The following ANK3 variants were observed in gnomAD, a reference collection of about 807,000 sequenced individuals.
ANK3 encodes the protein ankyrin-3.
Under a neutral mutation model 370.9 loss-of-function variants are expected in ANK3, and 57 were observed. The observed-to-expected ratio is 0.15, with a 90% CI of 0.12 to 0.19. ANK3 has a LOEUF of 0.19. Ranked by LOEUF, ANK3 falls within the 10% of genes least tolerant of loss-of-function variation. The pLI is 1.00. For missense variants in ANK3, 4,439 were observed against 5,302.1 expected, an observed-to-expected ratio of 0.84 and a Z score of 5.06; for synonymous variants, 1,929 against 1,946.3, an observed-to-expected ratio of 0.99 and a Z score of 0.23.
intron 1 of ANK3, among the ~76,000 whole-genome samples, chr10:60,289,384 C>T (rs2132745419): frequency 6.6e-6 from 1 of 151,170 alleles, no homozygotes; most frequent in East Asian, 2.0e-4. Context: ...TTCTTCTCCC[C>T]TCCCCCTTTC....
At chr10:60,317,091 G>T (rs2047609591) in intron 1 of ANK3, among the ~76,000 whole-genome samples, 1 of 151,708 alleles carries the variant, frequency 6.6e-6, no homozygotes, top group African/African-American at 2.4e-5. Context: ...CATGGCAAGG[G>T]CAAATTCCAT....
intron 12 of ANK3, among the ~76,000 whole-genome samples, chr10:60,202,713 C>A (rs1033052175): frequency 7.9e-5 from 12 of 152,082 alleles, no homozygotes; most frequent in African/African-American, 2.9e-4. Flanking sequence ...TCAAGACCAG[C>A]CTGGGCAAAA....
chr10:60,343,032 GT>G (rs1055061666), intron 1 of ANK3, among the ~76,000 whole-genome samples: 4 of 152,108 alleles, frequency 2.6e-5, no homozygotes, highest in African/African-American at 9.7e-5. Context: ...TTATGATACA[GT>G]GTAAGGCTGC....
chr10:60,069,342 G>T lies in ANK3; in HGVS notation c.11539C>A (p.Leu3847Ile). The T allele has an allele frequency of 6.2e-7, 1 of 1,614,070 alleles. No individual in the cohort carries two copies. The highest frequency in any genetic ancestry group is 8.5e-7 in the Non-Finnish European group (1 of 1,179,996). ...TCCTTTGTTTTTTGCTGTTCTCCAAGAACTTTCTGCTTATCTCTTACACAG... is the reference window on the plus strand; with the variant it reads ...TCCTTTGTTTTTTGCTGTTCTCCAATAACTTTCTGCTTATCTCTTACACAG... ...GHCVRDKQKV[L>I]GEQQKTKELI... is the part of the protein sequence containing the mutation. Residue 3847 changes from leucine (L) to isoleucine (I), a missense_variant, in exon 37 of 44, where the codon CTT becomes ATT. This residue lies in a region of ANK3 where 496 missense variants were observed against 529.3 expected (regional missense o/e 0.94). Transcript: ENST00000280772.
intron 29 of ANK3, among the ~76,000 whole-genome samples, chr10:60,087,797 A>G (rs973192352): frequency 2.0e-5 from 3 of 152,248 alleles, no homozygotes. Flanking sequence ...TGAAAACACT[A>G]AAGTCTGCAG....
intron 16 of ANK3, among the ~76,000 whole-genome samples, chr10:60,188,348 C>T (rs542245696): frequency 2.0e-5 from 3 of 152,164 alleles, no homozygotes; most frequent in South Asian, 2.1e-4. Context: ...CAGTCACTTA[C>T]AAGAAGTGTA....
chr10:60,656,603 T>C (rs1237355140), intron 1 of ANK3, among the ~76,000 whole-genome samples: 3 of 152,192 alleles, frequency 2.0e-5, no homozygotes, highest in Admixed American at 6.6e-5. Flanking sequence ...TGAATGAGCC[T>C]AGATCAATGA....
chr10:60,695,606 A>G, intron 1 of ANK3, among the ~76,000 whole-genome samples: 1 of 152,184 alleles, frequency 6.6e-6, no homozygotes. Context: ...CTCACTCAAA[A>G]CTGCTCAACT....
chr10:60,379,572 G>A (rs1056004578), intron 1 of ANK3, among the ~76,000 whole-genome samples: 1 of 152,088 alleles, frequency 6.6e-6, no homozygotes, highest in African/African-American at 2.4e-5. Context: ...GTAGCAACAT[G>A]GGCAGAAATG....
intron 7 of ANK3, among the ~76,000 whole-genome samples, chr10:60,240,074 T>TAC (rs1565912944): frequency 2.3e-5 from 3 of 133,322 alleles, no homozygotes; most frequent in African/African-American, 5.5e-5. Context: ...TACATATATA[T>TAC]ACATATATAC....
intron 40 of ANK3, among the ~76,000 whole-genome samples, chr10:60,061,425 T>A (rs994712343): frequency 6.6e-6 from 1 of 152,224 alleles, no homozygotes; most frequent in Non-Finnish European, 1.5e-5. Flanking sequence ...ACACAACTAC[T>A]TCTGTTGTGT....
At chr10:60,104,231 T>C (rs1472787136) in intron 28 of ANK3, among the ~76,000 whole-genome samples, 1 of 150,800 alleles carries the variant, frequency 6.6e-6, no homozygotes, top group Non-Finnish European at 1.5e-5. Context: ...AGTTTGGCAC[T>C]CAATCTCTCT....
intron 26 of ANK3, among the ~76,000 whole-genome samples, chr10:60,111,170 G>A (rs1026207020): frequency 3.3e-5 from 5 of 152,140 alleles, no homozygotes; most frequent in Admixed American, 1.3e-4. Context: ...TGAAGGTAGC[G>A]TACAGTTTAT....
chr10:60,150,666 G>T (rs1489709889), intron 23 of ANK3, among the ~76,000 whole-genome samples: 6 of 152,068 alleles, frequency 3.9e-5, no homozygotes, highest in African/African-American at 1.4e-4. Flanking sequence ...ACAACAGCTA[G>T]TTGGTTAAAG....
intron 1 of ANK3, among the ~76,000 whole-genome samples, chr10:60,723,028 T>C (rs934688467): frequency 2.6e-5 from 4 of 152,202 alleles, no homozygotes; most frequent in Non-Finnish European, 5.9e-5. Context: ...ATTACTTCAA[T>C]GGAAAAACTA....
intron 2 of ANK3, among the ~76,000 whole-genome samples, chr10:60,412,986 G>A (rs1414236184): frequency 6.6e-6 from 1 of 152,068 alleles, no homozygotes; most frequent in African/African-American, 2.4e-5. Flanking sequence ...ATAAAAGGTT[G>A]GATCATCCAC....
At chr10:60,232,621 T>C (rs563588560) in intron 8 of ANK3, among the ~76,000 whole-genome samples, 1 of 152,282 alleles carries the variant, frequency 6.6e-6, no homozygotes, top group South Asian at 2.1e-4. Flanking sequence ...TCTTCCCTTT[T>C]CCTATTTAGA....
At chr10:60,276,910 A>G (rs1367525528) in intron 4 of ANK3, among the ~76,000 whole-genome samples, 1 of 152,236 alleles carries the variant, frequency 6.6e-6, no homozygotes, top group African/African-American at 2.4e-5. Flanking sequence ...GTTTAAAAGC[A>G]TGATGCTTCT....
At chr10:60,081,157 G>A (rs1029887160) in intron 35 of ANK3, among the ~76,000 whole-genome samples, 12 of 152,088 alleles carry the variant, frequency 7.9e-5, no homozygotes, top group South Asian at 2.1e-4. Context: ...GTGAGATCCC[G>A]CCTCACTGCA....
Sources: gnomAD v4.1 joint callset for allele counts (sites outside exome capture counted in the v4.1 genomes callset) on GRCh38, gnomAD v4.1.1 for gene constraint, gnomAD v4.1.1 regional missense constraint, MANE v1.5 for transcripts, NCBI Gene and HGNC (gene_info 2026-07-23, HGNC 2026-07-21) for gene names.